AR: variants seen among roughly 807,000 people sequenced by gnomAD.
AR encodes the protein androgen receptor, also known as dihydrotestosterone receptor.
Under a neutral mutation model 53.9 loss-of-function variants are expected in AR, and 8 were observed. The ratio of observed to expected loss-of-function variants is 0.15; its 90% CI spans 0.09 to 0.27. AR has a LOEUF of 0.27. Ranked by LOEUF, AR falls within the 10% of genes least tolerant of loss-of-function variation. The pLI is 1.00. For missense variants in AR, 639 were observed against 742.5 expected (o/e 0.86, Z 1.62); for synonymous variants, 359 against 316.4 (o/e 1.13, Z -1.43).
chrX:67,726,378 G>A lies in AR; in HGVS notation c.*2537G>A. On this transcript the variant is annotated 3_prime_UTR_variant, in exon 8 of 8. Transcript: ENST00000374690. ...ACATTTTAATAGGTCCTTTACATCTGTTTTGGAATGATTTTCATCTTTTGT... is the reference window on the plus strand; with the variant it reads ...ACATTTTAATAGGTCCTTTACATCTATTTTGGAATGATTTTCATCTTTTGT... The A allele has an allele frequency of 5.7e-6, 1 of 174,527 alleles. No individual in the cohort carries two copies. The highest frequency in any genetic ancestry group is 1.1e-5 in the Non-Finnish European group (1 of 91,015). 14.4% of individuals were successfully genotyped at this position (174,527 alleles called of 1,213,427 possible).
chrX:67,684,186 A>G (rs2075952759), intron 2 of AR, among the ~76,000 whole-genome samples: 1 of 112,068 alleles, frequency 8.9e-6, no homozygotes, highest in Non-Finnish European at 1.9e-5. Flanking sequence ...TGAACGCACT[A>G]GAATTGGATA....
intron 1 of AR, among the ~76,000 whole-genome samples, chrX:67,628,712 G>A (rs1276033580): frequency 9.0e-6 from 1 of 111,407 alleles, no homozygotes; most frequent in African/African-American, 3.3e-5. Context: ...CCTGTCTTGT[G>A]CCAGTTTTCA....
At chrX:67,552,295 C>T (rs981530539) in intron 1 of AR, among the ~76,000 whole-genome samples, 3 of 112,087 alleles carry the variant, frequency 2.7e-5, no homozygotes, top group Non-Finnish European at 5.6e-5. Context: ...TTGTGACTAG[C>T]TTCTTTCACA....
At chrX:67,550,398 A>G (rs1054930070) in intron 1 of AR, among the ~76,000 whole-genome samples, 3 of 111,383 alleles carry the variant, frequency 2.7e-5, no homozygotes, top group African/African-American at 9.8e-5. Context: ...TAGTGTACAT[A>G]TATGCATTTA....
intron 4 of AR, among the ~76,000 whole-genome samples, chrX:67,713,128 C>T (rs755927929): frequency 8.9e-6 from 1 of 111,778 alleles, no homozygotes; most frequent in East Asian, 2.8e-4. Flanking sequence ...AGTGAGGGGC[C>T]AAGGCTTCAT....
chrX:67,618,530 G>A (rs1851366293), intron 1 of AR, among the ~76,000 whole-genome samples: 1 of 111,364 alleles, frequency 9.0e-6, no homozygotes, highest in South Asian at 3.7e-4. Context: ...CTAGACACTG[G>A]AAATTTATCA....
At chrX:67,571,255 C>T (rs1035874550) in intron 1 of AR, among the ~76,000 whole-genome samples, 42 of 111,944 alleles carry the variant, frequency 3.8e-4, no homozygotes, top group Admixed American at 3.4e-3. Flanking sequence ...TTTCTTTGCA[C>T]GATATTAAAG....
At chrX:67,553,650 C>T (rs1930077946) in intron 1 of AR, among the ~76,000 whole-genome samples, 2 of 111,889 alleles carry the variant, frequency 1.8e-5, no homozygotes, top group Admixed American at 1.9e-4. Context: ...GGAGCATTGT[C>T]ATCTCAACAA....
chrX:67,566,286 A>T (rs910933693), intron 1 of AR, among the ~76,000 whole-genome samples: 40 of 111,813 alleles, frequency 3.6e-4, no homozygotes, highest in African/African-American at 1.2e-3. Context: ...GAGAAATAAG[A>T]TACCATCTCA....
At chrX:67,659,827 CCCA>C (rs1203343243) in intron 2 of AR, among the ~76,000 whole-genome samples, 1 of 111,839 alleles carries the variant, frequency 8.9e-6, no homozygotes, top group African/African-American at 3.3e-5. Flanking sequence ...AGTTTACAGT[CCCA>C]CCAACAGTGT....
At chrX:67,582,528 T>A (rs1001550298) in intron 1 of AR, among the ~76,000 whole-genome samples, 4 of 111,817 alleles carry the variant, frequency 3.6e-5, no homozygotes, top group African/African-American at 1.3e-4. Flanking sequence ...TGCCTTTGAC[T>A]TAATCTGTTT....
chrX:67,579,785 G>A (rs947356953), intron 1 of AR, among the ~76,000 whole-genome samples: 1 of 111,679 alleles, frequency 9.0e-6, no homozygotes, highest in East Asian at 2.8e-4. Context: ...TCTTACATGA[G>A]CAAACTGCCT....
At chrX:67,664,731 A>T (rs755212370) in intron 2 of AR, among the ~76,000 whole-genome samples, 51 of 112,609 alleles carry the variant, frequency 4.5e-4, no homozygotes, top group African/African-American at 1.5e-3. Flanking sequence ...CTACAGAGGC[A>T]GGCAGGCCTC....
intron 3 of AR, among the ~76,000 whole-genome samples, chrX:67,686,775 C>T (rs1413970325): frequency 1.8e-5 from 2 of 111,126 alleles, no homozygotes; most frequent in Non-Finnish European, 3.8e-5. Context: ...AGCACAGTAA[C>T]GTGATAGATG....
intron 1 of AR, among the ~76,000 whole-genome samples, chrX:67,562,316 A>G (rs1218051366): frequency 9.2e-6 from 1 of 108,204 alleles, no homozygotes; most frequent in Non-Finnish European, 1.9e-5. Context: ...GAAGTTGTCA[A>G]CATGGACCAT....
At chrX:67,664,668 C>A (rs954593922) in intron 2 of AR, among the ~76,000 whole-genome samples, 5 of 112,390 alleles carry the variant, frequency 4.4e-5, no homozygotes, top group African/African-American at 1.6e-4. Context: ...TTTAAGTCTG[C>A]AGAGGTTTCT....
intron 1 of AR, among the ~76,000 whole-genome samples, chrX:67,630,357 T>C (rs1428890425): frequency 8.0e-5 from 9 of 111,967 alleles, no homozygotes; most frequent in Non-Finnish European, 1.1e-4. Flanking sequence ...GATACTTAGC[T>C]CTTCTTGTTG....
At chrX:67,553,879 T>C (rs1411068208) in intron 1 of AR, among the ~76,000 whole-genome samples, 2 of 112,358 alleles carry the variant, frequency 1.8e-5, no homozygotes, top group Non-Finnish European at 3.8e-5. Context: ...TTGTTTTGTA[T>C]ATTGATCTTG....
intron 1 of AR, among the ~76,000 whole-genome samples, chrX:67,550,886 T>A (rs1929966794): frequency 1.8e-5 from 2 of 109,414 alleles, no homozygotes; most frequent in East Asian, 5.7e-4. Context: ...ACCTGTGGCA[T>A]GCTCCTAAAG....
Sources: allele counts gnomAD v4.1 joint callset (sites outside exome capture counted in the v4.1 genomes callset), GRCh38; gene constraint gnomAD v4.1.1; transcripts MANE v1.5; gene names NCBI Gene and HGNC (gene_info 2026-07-23, HGNC 2026-07-21).